SOS1: variants seen among roughly 807,000 people sequenced by gnomAD.
SOS1 encodes son of sevenless homolog 1.
A neutral mutation model predicts 157.6 loss-of-function variants in SOS1; 25 were observed. The ratio of observed to expected loss-of-function variants is 0.16; its 90% CI spans 0.12 to 0.22. The LOEUF (loss-of-function observed/expected upper bound fraction) is 0.22, where lower values mean the gene tolerates loss of function less well. SOS1 is among the 10% of genes least tolerant of loss of function. The probability of loss-of-function intolerance (pLI) is 1.00; values close to 1 mark genes in which losing one functional copy is unlikely to be tolerated. For synonymous variants in SOS1, 528 were observed against 534.0 expected (o/e 0.99, Z 0.16); for missense variants, 1,237 against 1,599.1 (o/e 0.77, Z 3.86).
At chr2:39,053,399 T>C (rs906305465) in intron 5 of SOS1, among the ~76,000 whole-genome samples, 2 of 152,224 alleles carry the variant, frequency 1.3e-5, no homozygotes, top group African/African-American at 2.4e-5. Flanking sequence ...TTGGCCATTT[T>C]GGTTCTTGAT....
intron 10 of SOS1, among the ~76,000 whole-genome samples, chr2:39,022,191 A>T (rs1199750898): frequency 6.6e-6 from 1 of 151,830 alleles, no homozygotes; most frequent in Non-Finnish European, 1.5e-5. Flanking sequence ...TTGTTATATT[A>T]AAATTTTTAT....
Position 39,067,690 on chromosome 2 carries a change from A to G in SOS1, c.151T>C (p.Leu51=), listed in dbSNP as rs987729636. The change falls in exon 2 of 23, where the codon TTA becomes CTA. Residue 51 remains leucine, a synonymous_variant. Transcript: ENST00000402219. ...NDDALQYVEE[L]ILQLLNMLCQ... Reference sequence around the variant, plus strand: ...AGCATATTTAATAATTGCAAAATTAATTCTTCAACATACTGAAGAGCATCA... The same window carrying G: ...AGCATATTTAATAATTGCAAAATTAGTTCTTCAACATACTGAAGAGCATCA... The G allele has an allele frequency of 2.0e-5, 33 of 1,611,474 alleles. No homozygotes were observed. Among genetic ancestry groups the G allele is most frequent in the African/African-American group, 2.7e-5 (2 of 74,864 alleles).
intron 1 of SOS1, among the ~76,000 whole-genome samples, chr2:39,101,472 G>C (rs762086824): frequency 6.6e-6 from 1 of 152,026 alleles, no homozygotes; most frequent in Non-Finnish European, 1.5e-5. Flanking sequence ...AGATGATACA[G>C]AAATAAACTT....
chr2:39,092,213 T>C (rs952213697), intron 1 of SOS1, among the ~76,000 whole-genome samples: 6 of 152,164 alleles, frequency 3.9e-5, no homozygotes, highest in Admixed American at 1.3e-4. Flanking sequence ...TCTTTTTTCT[T>C]TTTGGAGACA....
intron 1 of SOS1, among the ~76,000 whole-genome samples, chr2:39,087,560 T>C (rs1330409487): frequency 1.3e-5 from 2 of 152,226 alleles, no homozygotes; most frequent in Non-Finnish European, 2.9e-5. Context: ...ATCTGTATGA[T>C]CTTAGGCAAC....
intron 6 of SOS1, among the ~76,000 whole-genome samples, chr2:39,037,515 T>G (rs1304033445): frequency 1.3e-5 from 2 of 152,228 alleles, no homozygotes; most frequent in African/African-American, 4.8e-5. Context: ...AACTGTTTCT[T>G]GTTTTTCACA....
In SOS1 at chr2:39,069,190, C is replaced by CAAAAAAAAAAA. The variant is rs869178369; in HGVS notation, c.88-1448_88-1438dup. Among the ~76,000 whole-genome samples, 16 of 46,758 alleles carry CAAAAAAAAAAA rather than the reference C, an allele frequency of 3.4e-4. 3 individuals are homozygous for CAAAAAAAAAAA. The highest frequency in any genetic ancestry group is 5.4e-4 in the African/African-American group (8 of 14,718). 30.7% of individuals were successfully genotyped at this position (46,758 alleles called of 152,430 possible). ...GGGAAAACCTGTCTCTACCAAAAAG[C>CAAAAAAAAAAA]AAAAAAAAAAAAAAAAAAAAAAAAA... On this transcript the variant is annotated intron_variant, in intron 1 of 22. Transcript: ENST00000402219.
At chr2:39,068,803 T>G (rs1572868507) in intron 1 of SOS1, among the ~76,000 whole-genome samples, 2 of 152,158 alleles carry the variant, frequency 1.3e-5, no homozygotes, top group Admixed American at 6.5e-5. Flanking sequence ...GCTTGCATGT[T>G]AATAAACAGC....
chr2:39,039,434 T>A (rs906737033), intron 6 of SOS1, among the ~76,000 whole-genome samples: 4 of 152,222 alleles, frequency 2.6e-5, no homozygotes, highest in African/African-American at 4.8e-5. Flanking sequence ...CACTTCCTTG[T>A]CAACATTTGA....
upstream of SOS1, among the ~76,000 whole-genome samples, chr2:39,121,359 T>G (rs1364101285): frequency 6.6e-6 from 1 of 152,162 alleles, no homozygotes; most frequent in Non-Finnish European, 1.5e-5. Context: ...GTGTGTACTT[T>G]GTTCCTGAAC....
chr2:39,044,182 C>A (rs1670673618), intron 6 of SOS1, among the ~76,000 whole-genome samples: 1 of 152,090 alleles, frequency 6.6e-6, no homozygotes, highest in African/African-American at 2.4e-5. Flanking sequence ...CATGGCAAAA[C>A]CCTGTCTCTA....
chr2:38,987,439 T>C (rs1314962217), intron 22 of SOS1, 34 bp downstream of exon 22: 3 of 1,101,048 alleles, frequency 2.7e-6, no homozygotes, highest in South Asian at 1.3e-5. Flanking sequence ...CTGTAATGAT[T>C]CCAATTTCTA....
At chr2:39,035,607 GTC>G in intron 6 of SOS1, 107 bp from the exon 7 acceptor site, 1 of 770,592 alleles carries the variant, frequency 1.3e-6, no homozygotes, top group Non-Finnish European at 2.2e-6. Context: ...GTCTTTGAAA[GTC>G]TCTAAGCAAA....
chr2:38,985,695 T>C lies in SOS1; in HGVS notation c.*129A>G, dbSNP rs2124453573. Reference sequence around the variant, plus strand: ...TAGGTTAAAATTCATTGTCTTATACTGCATCTTGAAGAAGAGTCGTTAGTG... The same window carrying C: ...TAGGTTAAAATTCATTGTCTTATACCGCATCTTGAAGAAGAGTCGTTAGTG... On this transcript the variant is annotated 3_prime_UTR_variant, in exon 23 of 23. Transcript: ENST00000402219. The C allele has an allele frequency of 9.5e-7, 1 of 1,051,970 alleles. No individual in the cohort carries two copies. The highest frequency in any genetic ancestry group is 1.7e-5 in the Admixed American group (1 of 58,432). 65.2% of individuals were successfully genotyped at this position (1,051,970 alleles called of 1,614,324 possible).
intron 1 of SOS1, among the ~76,000 whole-genome samples, chr2:39,109,907 G>C (rs1188727734): frequency 2.0e-5 from 3 of 152,040 alleles, no homozygotes; most frequent in Non-Finnish European, 2.9e-5. Flanking sequence ...GCTTTTAAAA[G>C]AACAAAATTG....
chr2:39,062,032 T>A (rs1671421014), intron 2 of SOS1, among the ~76,000 whole-genome samples: 1 of 151,990 alleles, frequency 6.6e-6, no homozygotes, highest in Non-Finnish European at 1.5e-5. Flanking sequence ...TACTTTGGTA[T>A]GTGTGGGAGA....
chr2:38,987,713 G>T (rs1668597953), intron 21 of SOS1, 122 bp from the exon 22 acceptor site: 1 of 679,572 alleles, frequency 1.5e-6, no homozygotes, highest in Non-Finnish European at 2.7e-6. Context: ...ACCAAAAGCT[G>T]TTCAATAAAC....
In SOS1 at chr2:39,014,849, A is replaced by G. The variant is rs199727062; in HGVS notation, c.1859-3T>C. The G allele has an allele frequency of 3.1e-5, 47 of 1,526,762 alleles. No homozygotes were observed. The highest frequency in any genetic ancestry group is 4.1e-5 in the Non-Finnish European group (45 of 1,101,446). 94.6% of individuals were successfully genotyped at this position (1,526,762 alleles called of 1,614,324 possible). A position where few individuals can be genotyped will look rare whatever the true frequency, so the allele number is the denominator to read the frequency against. ...AAATGTCCGAACAAAATTGGGATCT[A>G]AGAAGAAAAAGGAAAAATATCTTAT... On this transcript the variant is annotated splice_region_variant and splice_polypyrimidine_tract_variant and intron_variant, in intron 10 of 22. Transcript: ENST00000402219.
chr2:39,106,537 G>A (rs945718440), intron 1 of SOS1, among the ~76,000 whole-genome samples: 2 of 143,838 alleles, frequency 1.4e-5, no homozygotes, highest in Non-Finnish European at 3.0e-5. Flanking sequence ...CTTGCAGTGA[G>A]CCGAGATCCC....
Sources: gnomAD v4.1 joint callset for allele counts (sites outside exome capture counted in the v4.1 genomes callset) on GRCh38, gnomAD v4.1.1 for gene constraint, MANE v1.5 for transcripts, NCBI Gene and HGNC (gene_info 2026-07-23, HGNC 2026-07-21) for gene names.